KDM4B: variants seen among roughly 807,000 people sequenced by gnomAD.
The protein encoded by KDM4B is lysine demethylase 4B, also known as lysine-specific demethylase 4B.
KDM4B carries 32 observed loss-of-function variants against 125.2 expected under a neutral mutation model. The observed-to-expected ratio is 0.26, with a 90% CI of 0.19 to 0.34. The LOEUF is 0.34. Ranked by LOEUF, KDM4B falls within the 10% of genes least tolerant of loss-of-function variation. KDM4B has a pLI of 1.00. For synonymous variants in KDM4B, 721 were observed against 677.9 expected, an observed-to-expected ratio of 1.06 and a Z score of -0.99; for missense variants, 1,190 against 1,577.7, an observed-to-expected ratio of 0.75 and a Z score of 4.16.
intron 6 of KDM4B, among the ~76,000 whole-genome samples, chr19:5,053,029 G>A (rs1299807366): frequency 1.3e-5 from 2 of 152,254 alleles, no homozygotes; most frequent in Admixed American, 6.5e-5. Context: ...CAGCTCTGGC[G>A]GAGATTGGTG....
chr19:5,130,240 C>T (rs1007037402), intron 11 of KDM4B, among the ~76,000 whole-genome samples: 7 of 152,204 alleles, frequency 4.6e-5, no homozygotes, highest in Admixed American at 3.3e-4. Context: ...CTGCCAGAGT[C>T]CCCCATGTCC....
chr19:5,021,224 A>G (rs533870334), intron 2 of KDM4B, among the ~76,000 whole-genome samples: 36 of 151,770 alleles, frequency 2.4e-4, no homozygotes, highest in South Asian at 2.3e-3. Context: ...GGGTGGGGCC[A>G]CTCTGACATC....
intron 9 of KDM4B, among the ~76,000 whole-genome samples, chr19:5,104,427 G>A (rs757239541): frequency 3.3e-5 from 5 of 151,578 alleles, no homozygotes; most frequent in African/African-American, 9.7e-5. Flanking sequence ...GTTGGAAACC[G>A]TTTTGCTCTG....
At chr19:5,119,257 T>C in intron 10 of KDM4B, 1 of 1,342,786 alleles carries the variant, frequency 7.4e-7, no homozygotes, top group Non-Finnish European at 1.0e-6. Flanking sequence ...GTCTAGGCAT[T>C]TTCCATGAGC....
chr19:4,974,629 T>C (rs2034380031), intron 1 of KDM4B, among the ~76,000 whole-genome samples: 1 of 150,520 alleles, frequency 6.6e-6, no homozygotes, highest in Non-Finnish European at 1.5e-5. Context: ...TCCCAGCTAC[T>C]CGGGATGTGG....
chr19:4,998,482 A>G (rs188824735), intron 1 of KDM4B, among the ~76,000 whole-genome samples: 2 of 152,234 alleles, frequency 1.3e-5, no homozygotes, highest in East Asian at 3.9e-4. Flanking sequence ...CTTTCCTCTC[A>G]TTCTCTTTCC....
chr19:5,147,742 C>CAA (rs35330966), intron 21 of KDM4B, among the ~76,000 whole-genome samples: 1,363 of 80,894 alleles, frequency 0.017, 35 homozygotes, highest in African/African-American at 0.055. Flanking sequence ...AGCCCTGTCT[C>CAA]AAAAAAAAAA....
At chr19:5,085,954 C>T (rs1345411177) in intron 9 of KDM4B, among the ~76,000 whole-genome samples, 18 of 152,098 alleles carry the variant, frequency 1.2e-4, no homozygotes, top group African/African-American at 1.7e-4. Context: ...AGGTGGGGCT[C>T]GGGCCTTGTT....
At position 5,133,885 on chromosome 19, in the gene KDM4B, GCAT is replaced by G; in HGVS notation, c.1911_1913del (p.Ser638del). On this transcript the variant is annotated inframe_deletion, in exon 14 of 23. Coordinates refer to ENST00000159111, the MANE Select transcript of KDM4B (RefSeq NM_015015.3). ...CCCTCTCCCCTCTGTTCTTCTAGAG[GCAT>G]CCCCTTTCTCCGGGGAGGAAGATGT... is the stretch of plus-strand genomic sequence containing the variant. 6.2e-7 allele frequency: 1 copy of G among 1,612,856 alleles called. No homozygotes were observed. The highest frequency in any genetic ancestry group is 8.5e-7 in the Non-Finnish European group (1 of 1,179,814).
chr19:5,103,027 C>T (rs2038968110), intron 9 of KDM4B, among the ~76,000 whole-genome samples: 1 of 152,228 alleles, frequency 6.6e-6, no homozygotes, highest in African/African-American at 2.4e-5. Flanking sequence ...CCACCTCTCC[C>T]ACACAGGCCA....
At chr19:5,042,721 C>G (rs56251289) in intron 5 of KDM4B, among the ~76,000 whole-genome samples, 63 of 150,932 alleles carry the variant, frequency 4.2e-4, no homozygotes, top group African/African-American at 1.5e-3. Context: ...CCAGGTTTCG[C>G]GAGCACTCAC....
At chr19:5,058,748 C>T (rs112453033) in intron 6 of KDM4B, among the ~76,000 whole-genome samples, 6,638 of 152,234 alleles carry the variant, frequency 0.044, 193 homozygotes, top group Non-Finnish European at 0.067. Flanking sequence ...TTGTTCAAAG[C>T]GGGCGCTTCG....
intron 9 of KDM4B, among the ~76,000 whole-genome samples, chr19:5,102,188 C>T (rs1313453981): frequency 1.3e-5 from 2 of 152,192 alleles, no homozygotes; most frequent in Non-Finnish European, 2.9e-5. Flanking sequence ...CACGTCCCAC[C>T]CCCAGCCTGC....
At chr19:5,143,375 T>G (rs1276461374) in intron 18 of KDM4B, among the ~76,000 whole-genome samples, 1 of 151,948 alleles carries the variant, frequency 6.6e-6, no homozygotes, top group Non-Finnish European at 1.5e-5. Context: ...CCACTCTATG[T>G]TTTTTAGTAC....
chr19:5,138,947 GTC>G (rs1269667185), intron 18 of KDM4B, among the ~76,000 whole-genome samples: 1 of 152,182 alleles, frequency 6.6e-6, no homozygotes. Context: ...AAGAGACAGG[GTC>G]TCTCACTCTG....
chr19:5,149,017 T>G (rs2039899791), intron 21 of KDM4B, among the ~76,000 whole-genome samples: 1 of 152,178 alleles, frequency 6.6e-6, no homozygotes, highest in South Asian at 2.1e-4. Context: ...CTCCCAGCCC[T>G]GCTTCTCCCG....
rs375983056 is a variant in KDM4B at position 4,981,201 on chromosome 19, G to A, written c.-109+11971G>A. Among the ~76,000 whole-genome samples, 10 of 152,236 alleles carry A rather than the reference G, an allele frequency of 6.6e-5. No individual in the cohort carries two copies. The East Asian group carries it at 7.7e-4, about 12-fold the overall frequency. On this transcript the variant is annotated intron_variant, in intron 1 of 22. Transcript: ENST00000159111. ...TGTCTCCGCTCCATGGGGCAGCGTG[G>A]CCCCAGCTGACCACAGCTCTGACTT...
chr19:5,021,963 A>AT (rs1460903352), intron 2 of KDM4B, among the ~76,000 whole-genome samples: 2 of 152,040 alleles, frequency 1.3e-5, no homozygotes, highest in Non-Finnish European at 1.5e-5. Flanking sequence ...CTTGGCACGC[A>AT]TTTTTTGTTT....
chr19:5,137,761 T>A, intron 17 of KDM4B, 85 bp downstream of exon 17: 1 of 1,310,066 alleles, frequency 7.6e-7, no homozygotes, highest in Non-Finnish European at 1.0e-6. Flanking sequence ...CCCCAGTGCC[T>A]AGGGGTTGAC....
Sources: gnomAD v4.1 joint callset for allele counts (sites outside exome capture counted in the v4.1 genomes callset) on GRCh38, gnomAD v4.1.1 for gene constraint, MANE v1.5 for transcripts, NCBI Gene and HGNC (gene_info 2026-07-23, HGNC 2026-07-21) for gene names.